Variants in PLPP1 observed in about 807,000 individuals in gnomAD.
The protein encoded by PLPP1 is lipid phosphate phosphohydrolase 1a.
In PLPP1, 24 loss-of-function variants were observed where a neutral mutation model predicts 31.2. The ratio of observed to expected loss-of-function variants is 0.77; its 90% confidence interval spans 0.56 to 1.08. PLPP1 has a LOEUF of 1.08. Among genes scored for constraint, PLPP1 ranks in the 50% least tolerant of loss-of-function variants. PLPP1 has a pLI of 0.00. For missense variants in PLPP1, 319 were observed against 342.7 expected, an observed-to-expected ratio of 0.93 and a Z score of 0.55; for synonymous variants, 146 against 126.3, an observed-to-expected ratio of 1.16 and a Z score of -1.05.
intron 1 of PLPP1, among the ~76,000 whole-genome samples, chr5:55,514,536 C>G (rs528867945): frequency 3.5e-4 from 54 of 152,234 alleles, no homozygotes; most frequent in African/African-American, 1.2e-3. Context: ...GAAGTTATGC[C>G]AAATGGCAAT....
intron 3 of PLPP1, among the ~76,000 whole-genome samples, chr5:55,446,596 T>A (rs182685928): frequency 2.0e-5 from 3 of 152,300 alleles, no homozygotes; most frequent in Admixed American, 1.3e-4. Context: ...ATGAAGTCAT[T>A]AGGACTCTAT....
At chr5:55,520,493 CTA>C (rs1753640794) in intron 1 of PLPP1, among the ~76,000 whole-genome samples, 1 of 152,214 alleles carries the variant, frequency 6.6e-6, no homozygotes, top group Admixed American at 6.5e-5. Context: ...CAGGCCAGGA[CTA>C]TGTTAACCAC....
At chr5:55,506,123 T>C (rs575193379) in intron 1 of PLPP1, among the ~76,000 whole-genome samples, 3 of 151,826 alleles carry the variant, frequency 2.0e-5, no homozygotes, top group South Asian at 4.2e-4. Flanking sequence ...AAAAGCAATA[T>C]AGAACAGAAA....
intron 1 of PLPP1, among the ~76,000 whole-genome samples, chr5:55,506,195 G>T (rs1009217956): frequency 6.0e-5 from 9 of 150,578 alleles, no homozygotes; most frequent in Admixed American, 5.9e-4. Context: ...TTTTTAAACA[G>T]GCTGATGAAA....
chr5:55,467,586 G>T (rs1447804771), intron 3 of PLPP1, among the ~76,000 whole-genome samples: 1 of 151,306 alleles, frequency 6.6e-6, no homozygotes, highest in African/African-American at 2.4e-5. Flanking sequence ...GGCATCTTAA[G>T]AAAGTTTGCT....
intron 1 of PLPP1, chr5:55,530,694 GCT>G: frequency 1.3e-6 from 2 of 1,583,318 alleles, no homozygotes; most frequent in Non-Finnish European, 1.7e-6. Context: ...TTCAGGGCAT[GCT>G]CTCTCTTCTA....
chr5:55,502,237 C>T (rs1753161587), intron 1 of PLPP1, among the ~76,000 whole-genome samples: 1 of 149,058 alleles, frequency 6.7e-6, no homozygotes, highest in Non-Finnish European at 1.5e-5. Flanking sequence ...GCCTGTAATC[C>T]CAGCACTTAG....
Position 55,475,350 on chromosome 5 carries a change from G to C in PLPP1, c.159C>G (p.Thr53=). ...ESIKYPYKED[T]IPYALLGGII... is the part of the protein sequence containing the mutation. The stretch of plus-strand genomic sequence containing the variant: ...TTCCACCTAATAACGCATAAGGTAT[G>C]GTGTCTTCTTTGTAAGGGTACTTGA... Residue 53 remains threonine (T), a synonymous_variant, in exon 2 of 6, where the codon ACC becomes ACG. Transcript: ENST00000307259. 1 of 1,612,376 alleles carries C rather than the reference G, an allele frequency of 6.2e-7. No individual in the cohort carries two copies. The highest frequency in any genetic ancestry group is 8.5e-7 in the Non-Finnish European group (1 of 1,178,732).
intron 4 of PLPP1, among the ~76,000 whole-genome samples, chr5:55,430,128 A>T (rs562848494): frequency 6.6e-6 from 1 of 152,144 alleles, no homozygotes; most frequent in South Asian, 2.1e-4. Context: ...CACCCAGCCC[A>T]TCACGGTCAC....
At chr5:55,475,753 C>A (rs962752139) in intron 1 of PLPP1, among the ~76,000 whole-genome samples, 2 of 152,202 alleles carry the variant, frequency 1.3e-5, no homozygotes. Flanking sequence ...AAAATCTCTT[C>A]TCACGTTCTT....
intron 1 of PLPP1, among the ~76,000 whole-genome samples, chr5:55,503,613 T>TAA (rs112050563): frequency 3.7e-4 from 55 of 148,202 alleles, no homozygotes; most frequent in African/African-American, 1.3e-3. Flanking sequence ...CCATCTCTGC[T>TAA]AAAAAAAAAT....
intron 1 of PLPP1, among the ~76,000 whole-genome samples, chr5:55,482,115 T>C (rs1364884672): frequency 6.8e-6 from 1 of 147,870 alleles, no homozygotes; most frequent in African/African-American, 2.5e-5. Context: ...TTAAGTATTA[T>C]ATTTAAATTT....
At chr5:55,483,669 C>CA (rs35550771) in intron 1 of PLPP1, among the ~76,000 whole-genome samples, 96,651 of 117,126 alleles carry the variant, frequency 0.83, 39,632 homozygotes, top group Admixed American at 0.87. Context: ...GAGACTGTCT[C>CA]AAAAAAAAAA....
At chr5:55,430,690 T>C (rs1751327778) in intron 4 of PLPP1, among the ~76,000 whole-genome samples, 1 of 151,990 alleles carries the variant, frequency 6.6e-6, no homozygotes, top group African/African-American at 2.4e-5. Context: ...AAGAAGGAAA[T>C]ATGACACTTC....
intron 1 of PLPP1, chr5:55,530,196 C>A (rs1236985458): frequency 7.5e-7 from 1 of 1,337,422 alleles, no homozygotes; most frequent in Non-Finnish European, 1.1e-6. Context: ...AGCAGTTTGA[C>A]ATTGAGTTTC....
At chr5:55,475,600 G>T (rs1379779373) in intron 1 of PLPP1, 150 bp from the exon 2 acceptor site, 2 of 674,812 alleles carry the variant, frequency 3.0e-6, no homozygotes, top group Non-Finnish European at 4.7e-6. Context: ...AGCAATGCAT[G>T]CAACGGAAGT....
At chr5:55,437,938 G>A (rs1193991484) in intron 4 of PLPP1, among the ~76,000 whole-genome samples, 1 of 152,244 alleles carries the variant, frequency 6.6e-6, no homozygotes, top group Non-Finnish European at 1.5e-5. Flanking sequence ...TGAATCTTAA[G>A]GAAAGTGGAT....
At chr5:55,529,045 T>TTG (rs1332874181) in intron 1 of PLPP1, among the ~76,000 whole-genome samples, 6 of 151,868 alleles carry the variant, frequency 4.0e-5, no homozygotes, top group Non-Finnish European at 1.5e-5. Context: ...AAACAGGTAA[T>TTG]TGTGTGTGTG....
intron 1 of PLPP1, among the ~76,000 whole-genome samples, chr5:55,506,020 G>A (rs886416652): frequency 6.6e-6 from 1 of 152,136 alleles, no homozygotes; most frequent in Non-Finnish European, 1.5e-5. Context: ...TCACGCCACT[G>A]CACTCCAGCG....
Sources: allele counts gnomAD v4.1 joint callset (sites outside exome capture counted in the v4.1 genomes callset), GRCh38; gene constraint gnomAD v4.1.1; transcripts MANE v1.5; gene names NCBI Gene and HGNC (gene_info 2026-07-23, HGNC 2026-07-21).